The following PCSK1 variants were observed in gnomAD, a reference collection of about 807,000 sequenced individuals.
PCSK1 encodes proprotein convertase subtilisin/kexin type 1.
Under a neutral mutation model 90.6 loss-of-function variants are expected in PCSK1, and 56 were observed. That is an observed-to-expected ratio of 0.62 (90% CI 0.50 to 0.77). The LOEUF (loss-of-function observed/expected upper bound fraction) is 0.77. Among genes scored for constraint, PCSK1 ranks in the 30% least tolerant of loss-of-function variants. PCSK1 has a pLI of 0.00. For missense variants in PCSK1, 801 were observed against 932.6 expected (o/e 0.86, Z 1.84); for synonymous variants, 348 against 342.4 (o/e 1.02, Z -0.18).
chr5:96,406,705 C>T (rs996837809), intron 9 of PCSK1, among the ~76,000 whole-genome samples: 3 of 152,262 alleles, frequency 2.0e-5, no homozygotes, highest in Non-Finnish European at 2.9e-5. Flanking sequence ...TCTGTTATTA[C>T]GAACTGAGTC....
chr5:96,395,457 C>A (rs1386324868), intron 12 of PCSK1, among the ~76,000 whole-genome samples: 5 of 152,190 alleles, frequency 3.3e-5, no homozygotes, highest in Non-Finnish European at 7.3e-5. Flanking sequence ...GAATACTATG[C>A]AGCCATAAAA....
rs1378702717 is a variant in PCSK1, at chr5:96,390,412, C to T, written c.*2589G>A. 1 of 152,162 alleles carries T rather than the reference C, an allele frequency of 6.6e-6. No homozygotes were observed. The highest frequency in any genetic ancestry group is 1.5e-5 in the Non-Finnish European group (1 of 68,010). 9.4% of individuals were successfully genotyped at this position (152,162 alleles called of 1,614,324 possible). A position where few individuals can be genotyped will look rare whatever the true frequency, so the allele number is the denominator to read the frequency against. ...TTTTCTGATTTATAAGCATATTTTACATATTCTGGTCAATACATCAAATGT... is the reference window on the plus strand; with the variant it reads ...TTTTCTGATTTATAAGCATATTTTATATATTCTGGTCAATACATCAAATGT... On this transcript the variant is annotated 3_prime_UTR_variant, in exon 14 of 14. Transcript: ENST00000311106.
chr5:96,423,274 A>G (rs1761181671), intron 4 of PCSK1, 39 bp downstream of exon 4: 2 of 1,578,688 alleles, frequency 1.3e-6, no homozygotes, highest in South Asian at 2.3e-5. Context: ...CTGCACAGAC[A>G]GCTCCCTAAG....
chr5:96,429,864 G>A (rs1761436793), intron 1 of PCSK1, among the ~76,000 whole-genome samples: 1 of 152,186 alleles, frequency 6.6e-6, no homozygotes, highest in Non-Finnish European at 1.5e-5. Context: ...TAGGAGGCTA[G>A]TGATGCTTCT....
chr5:96,415,316 T>A (rs1163966105), intron 6 of PCSK1, among the ~76,000 whole-genome samples: 2 of 152,124 alleles, frequency 1.3e-5, no homozygotes, highest in Admixed American at 6.5e-5. Flanking sequence ...AGTGGCTCTG[T>A]TGTTGTACTC....
chr5:96,398,330 TG>T (rs1760234814), intron 11 of PCSK1, among the ~76,000 whole-genome samples: 2 of 152,340 alleles, frequency 1.3e-5, no homozygotes, highest in Non-Finnish European at 2.9e-5. Context: ...GGTTAGATTA[TG>T]GCTTATGGTT....
At chr5:96,399,917 G>T in intron 10 of PCSK1, 36 bp downstream of exon 10, 1 of 1,468,414 alleles carries the variant, frequency 6.8e-7, no homozygotes, top group Non-Finnish European at 9.5e-7. Context: ...TTATGCCATG[G>T]GCACACATGT....
Position 96,391,179 on chromosome 5 carries a change from A to G in PCSK1, c.*1822T>C, listed in dbSNP as rs1175800277. 2 of 152,250 alleles carry G rather than the reference A, an allele frequency of 1.3e-5. No homozygotes were observed. Among genetic ancestry groups the G allele is most frequent in the Admixed American group, 1.3e-4 (2 of 15,284 alleles). 9.4% of individuals were successfully genotyped at this position (152,250 alleles called of 1,614,324 possible). On this transcript the variant is annotated 3_prime_UTR_variant, in exon 14 of 14. Transcript: ENST00000311106. ...GATTCCGCAAGTCTTTTAGGAGAACATTCTCTAAGCATTACGGGCATTGCT... is the reference window on the plus strand; with the variant it reads ...GATTCCGCAAGTCTTTTAGGAGAACGTTCTCTAAGCATTACGGGCATTGCT...
rs751099712 is a variant in PCSK1 at position 96,392,986 on chromosome 5, G to T, written c.*15C>A. On this transcript the variant is annotated 3_prime_UTR_variant, in exon 14 of 14. Transcript: ENST00000311106. ...AGAAGCATGAATATTTCCAACTTGG[G>T]ACCACACACTTATTTTAATTTTCCT... The T allele has an allele frequency of 9.9e-6, 16 of 1,613,484 alleles. No homozygotes were observed. Among genetic ancestry groups the T allele is most frequent in the Non-Finnish European group, 1.3e-5 (15 of 1,179,660 alleles).
chr5:96,425,017 AAAG>A (rs1358660701), intron 3 of PCSK1, among the ~76,000 whole-genome samples: 7 of 46,154 alleles, frequency 1.5e-4, no homozygotes, highest in African/African-American at 3.4e-4. Flanking sequence ...GAAAAGAAAG[AAAG>A]AAAGAAAGAA....
Position 96,412,382 on chromosome 5 carries a change from T to A in PCSK1, c.818A>T (p.Asp273Val). 1 of 1,614,154 alleles carries A rather than the reference T, an allele frequency of 6.2e-7. No individual in the cohort carries two copies. The highest frequency in any genetic ancestry group is 1.1e-5 in the South Asian group (1 of 91,078). ...IYSASWGPND[D>V]GKTVEGPGRL... ...GCCAGGCCCCTCCACAGTTTTCCCA[T>A]CATCATTAGGGCCCCAGCTTGCACT... Residue 273 changes from aspartate to valine, a missense_variant, in exon 7 of 14, where the codon GAT becomes GTT. By Grantham distance (152) the Asp-to-Val change is radical (BLOSUM62 -3). Transcript: ENST00000311106.
At chr5:96,428,024 C>G (rs76844461) in intron 2 of PCSK1, among the ~76,000 whole-genome samples, 3,741 of 151,836 alleles carry the variant, frequency 0.025, 150 homozygotes, top group African/African-American at 0.086. Flanking sequence ...ATGAGCTATA[C>G]GGTCACTGTC....
rs761736517 is a variant in PCSK1, at chr5:96,433,015, A to G, written c.28T>C (p.Cys10Arg). The stretch of plus-strand genomic sequence containing the variant: ...GCGCAAAAGAGGACGAAAGCAGTGC[A>G]CTGCAGACTCCAGGCTCTTCGCTCC... MERRAWSLQCTAFVLFCAWC... is the reference protein window; with the variant it reads MERRAWSLQRTAFVLFCAWC... The change falls in exon 1 of 14, where the codon TGC (cysteine) becomes CGC (arginine). Residue 10 changes from cysteine to arginine, a missense_variant. Transcript: ENST00000311106. 2.5e-6 allele frequency: 4 copies of G among 1,614,204 alleles called. No homozygotes were observed. In the East Asian group the frequency reaches 8.9e-5, roughly 36 times the overall value.
chr5:96,409,118 T>C (rs369260250), intron 8 of PCSK1, among the ~76,000 whole-genome samples: 3 of 152,342 alleles, frequency 2.0e-5, no homozygotes, highest in South Asian at 4.1e-4. Context: ...TGGCTAACTT[T>C]AGGGTAATGA....
rs1468643487 is a variant in PCSK1, at chr5:96,391,178, C to T, written c.*1823G>A. 6.6e-6 allele frequency: 1 copy of T among 152,186 alleles called. No homozygotes were observed. The highest frequency in any genetic ancestry group is 1.5e-5 in the Non-Finnish European group (1 of 68,042). The allele number at this position is 152,186 out of a possible 1,614,324, so 9.4% of individuals were successfully genotyped here. On this transcript the variant is annotated 3_prime_UTR_variant, in exon 14 of 14. Coordinates refer to ENST00000311106, the MANE Select transcript of PCSK1 (RefSeq NM_000439.5). ...TGATTCCGCAAGTCTTTTAGGAGAACATTCTCTAAGCATTACGGGCATTGC... is the reference window on the plus strand; with the variant it reads ...TGATTCCGCAAGTCTTTTAGGAGAATATTCTCTAAGCATTACGGGCATTGC...
At chr5:96,396,638 T>G (rs1760159834) in intron 12 of PCSK1, among the ~76,000 whole-genome samples, 1 of 151,892 alleles carries the variant, frequency 6.6e-6, no homozygotes, top group African/African-American at 2.4e-5. Flanking sequence ...ACAGAAGAAC[T>G]CAGAGCCAAA....
Position 96,408,234 on chromosome 5 carries a change from G to C in PCSK1, c.1185C>G (p.Ala395=). 2 of 1,613,088 alleles carry C rather than the reference G, an allele frequency of 1.2e-6. No individual in the cohort carries two copies. The highest frequency in any genetic ancestry group is 8.5e-7 in the Non-Finnish European group (1 of 1,179,096). ...APLAAGIFAL[A]LEANPNLTWR... ...TTTCTGGGCCTTACTTTGCTTCCAG[G>C]GCCAGAGCGAAGATGCCAGCAGCCA... The change falls in exon 9 of 14, where the codon GCC becomes GCG. Residue 395 remains alanine, a synonymous_variant. Transcript: ENST00000311106.
At chr5:96,411,093 C>T in intron 7 of PCSK1, 107 bp from the exon 8 acceptor site, 1 of 844,202 alleles carries the variant, frequency 1.2e-6, no homozygotes, top group Non-Finnish European at 2.1e-6. Flanking sequence ...TCAGAGACAG[C>T]TATTTGGGAT....
chr5:96,420,664 T>C (rs80050823), intron 5 of PCSK1, among the ~76,000 whole-genome samples: 3,713 of 148,480 alleles, frequency 0.025, 150 homozygotes, highest in African/African-American at 0.088. Context: ...GAGGGAAGAC[T>C]ATCCAAAGAA....
Sources: allele counts gnomAD v4.1 joint callset (sites outside exome capture counted in the v4.1 genomes callset), GRCh38; gene constraint gnomAD v4.1.1; transcripts MANE v1.5; gene names NCBI Gene and HGNC (gene_info 2026-07-23, HGNC 2026-07-21).